Variants in ARHGAP26 observed in about 807,000 individuals in gnomAD.
ARHGAP26 encodes rho GTPase-activating protein 26.
In ARHGAP26, 38 loss-of-function variants were observed where a neutral mutation model predicts 104.8. The ratio of observed to expected loss-of-function variants is 0.36; its 90% CI spans 0.28 to 0.48. ARHGAP26 has a LOEUF of 0.48. Among genes scored for constraint, ARHGAP26 ranks in the 20% least tolerant of loss-of-function variants. ARHGAP26 has a pLI of 0.99. For missense variants in ARHGAP26, 704 were observed against 947.9 expected, an observed-to-expected ratio of 0.74 and a Z score of 3.38; for synonymous variants, 341 against 340.0, an observed-to-expected ratio of 1.00 and a Z score of -0.03.
chr5:143,057,798 TC>T, intron 17 of ARHGAP26, 51 bp downstream of exon 17: 1 of 1,460,824 alleles, frequency 6.8e-7, no homozygotes. Flanking sequence ...AAAGTTCTTA[TC>T]TTAGCAGTGA....
At chr5:142,943,397 T>G (rs780662977) in intron 11 of ARHGAP26, among the ~76,000 whole-genome samples, 10 of 152,202 alleles carry the variant, frequency 6.6e-5, no homozygotes, top group African/African-American at 9.6e-5. Context: ...CCATCAAATT[T>G]GGTGTCTAGT....
intron 1 of ARHGAP26, among the ~76,000 whole-genome samples, chr5:142,872,364 G>A (rs528713920): frequency 6.6e-6 from 1 of 152,254 alleles, no homozygotes; most frequent in South Asian, 2.1e-4. Context: ...TTAAAGCCAG[G>A]CCTTGTTGCT....
intron 1 of ARHGAP26, among the ~76,000 whole-genome samples, chr5:142,800,328 C>T (rs375398540): frequency 1.3e-5 from 2 of 151,874 alleles, no homozygotes; most frequent in Non-Finnish European, 2.9e-5. Flanking sequence ...CTGTCTCTCT[C>T]TCTCAAACTG....
intron 1 of ARHGAP26, among the ~76,000 whole-genome samples, chr5:142,806,578 A>C (rs2151990741): frequency 6.6e-6 from 1 of 152,066 alleles, no homozygotes; most frequent in East Asian, 1.9e-4. Context: ...TTGGGAAGGC[A>C]TTAGTTAACA....
In ARHGAP26 at chr5:143,153,281, G is replaced by A. The variant is rs115090545; in HGVS notation, c.1988+5900G>A. 3.1e-3 allele frequency among the ~76,000 whole-genome samples: 477 copies of A among 152,292 alleles called. 1 individual carries two copies. The highest frequency in any genetic ancestry group is 0.011 in the African/African-American group (450 of 41,556). On this transcript the variant is annotated intron_variant, in intron 20 of 22. Transcript: ENST00000645722. Reference sequence around the variant, plus strand: ...CAGGAAACCCTAGGTTTTAGTTCTGGCATCGACATTGCCTGGCTGATGATA... The same window carrying A: ...CAGGAAACCCTAGGTTTTAGTTCTGACATCGACATTGCCTGGCTGATGATA...
intron 20 of ARHGAP26, among the ~76,000 whole-genome samples, chr5:143,168,224 C>T (rs1438198162): frequency 6.6e-6 from 1 of 152,112 alleles, no homozygotes; most frequent in Non-Finnish European, 1.5e-5. Context: ...TGTAATATTA[C>T]AATTGTTTTG....
rs1438874533 is a variant in ARHGAP26 at position 143,227,547 on chromosome 5, T to C, written c.*5101T>C. 2 of 230,668 alleles carry C rather than the reference T, an allele frequency of 8.7e-6. No homozygotes were observed. The highest frequency in any genetic ancestry group is 1.7e-5 in the Non-Finnish European group (2 of 116,464). The allele number at this position is 230,668 out of a possible 1,614,324, so 14.3% of individuals were successfully genotyped here. On this transcript the variant is annotated 3_prime_UTR_variant, in exon 23 of 23. Coordinates refer to ENST00000645722, the MANE Select transcript of ARHGAP26 (RefSeq NM_001135608.3). ...ATGACAACAGCAGCAGAGCAGCGAA[T>C]CTTGCACAGCCCCACAGCATGCCTG...
intron 17 of ARHGAP26, among the ~76,000 whole-genome samples, chr5:143,119,057 T>C (rs551736124): frequency 6.6e-6 from 1 of 152,232 alleles, no homozygotes; most frequent in African/African-American, 2.4e-5. Context: ...ACATGTGCCA[T>C]GCCATTGTGT....
intron 22 of ARHGAP26, among the ~76,000 whole-genome samples, chr5:143,214,714 C>T (rs1007689712): frequency 3.3e-5 from 5 of 152,174 alleles, no homozygotes; most frequent in Non-Finnish European, 7.3e-5. Context: ...TTCAGCATAG[C>T]AGAGATATCC....
rs560216779 is a variant in ARHGAP26 at position 142,987,891 on chromosome 5, G to A, written c.1108-26189G>A. Among the ~76,000 whole-genome samples, 103 of 152,182 alleles carry A rather than the reference G, an allele frequency of 6.8e-4. 2 individuals are homozygous for A. Among genetic ancestry groups the A allele is most frequent in the African/African-American group, 2.3e-3 (97 of 41,498 alleles). On this transcript the variant is annotated intron_variant, in intron 11 of 22. Coordinates refer to ENST00000645722, the MANE Select transcript of ARHGAP26 (RefSeq NM_001135608.3). ...AGCTTTTTGATGTGCTGCTGGATTCGGTTTGCCAGTATTTTATTGAGGATT... is the reference window on the plus strand; with the variant it reads ...AGCTTTTTGATGTGCTGCTGGATTCAGTTTGCCAGTATTTTATTGAGGATT...
At chr5:143,030,670 G>T (rs890671295) in intron 12 of ARHGAP26, among the ~76,000 whole-genome samples, 1 of 152,256 alleles carries the variant, frequency 6.6e-6, no homozygotes, top group Non-Finnish European at 1.5e-5. Flanking sequence ...GTTTATATCA[G>T]TTGAAATTGA....
At chr5:142,821,684 C>T (rs1170109564) in intron 1 of ARHGAP26, among the ~76,000 whole-genome samples, 1 of 152,188 alleles carries the variant, frequency 6.6e-6, no homozygotes, top group Non-Finnish European at 1.5e-5. Context: ...TTTATCTACA[C>T]ATTAAAATTT....
intron 17 of ARHGAP26, among the ~76,000 whole-genome samples, chr5:143,084,999 C>T (rs189129347): frequency 6.7e-4 from 98 of 147,172 alleles, no homozygotes; most frequent in East Asian, 2.8e-3. Context: ...GAGCCGAGAT[C>T]GCGCCACTGC....
intron 1 of ARHGAP26, among the ~76,000 whole-genome samples, chr5:142,795,403 C>T (rs1369802331): frequency 6.6e-6 from 1 of 152,154 alleles, no homozygotes; most frequent in Admixed American, 6.5e-5. Context: ...CTCTAATGGT[C>T]TTTGTAATCT....
intron 13 of ARHGAP26, among the ~76,000 whole-genome samples, chr5:143,040,420 C>A (rs1783285174): frequency 6.7e-6 from 1 of 149,814 alleles, no homozygotes; most frequent in Non-Finnish European, 1.5e-5. Flanking sequence ...GTTTTGGCCC[C>A]CAAGTATTTT....
chr5:143,220,148 G>T (rs10875602), intron 22 of ARHGAP26, among the ~76,000 whole-genome samples: 54,746 of 152,194 alleles, frequency 0.36, 12,997 homozygotes, highest in African/African-American at 0.68. Context: ...CTTGGAGCTT[G>T]GCTATAAAGC....
At chr5:142,797,038 A>G (rs1406835098) in intron 1 of ARHGAP26, among the ~76,000 whole-genome samples, 3 of 152,374 alleles carry the variant, frequency 2.0e-5, no homozygotes, top group East Asian at 1.9e-4. Context: ...TTGGAATTAG[A>G]TTGCAGAAGG....
At chr5:142,787,110 A>T (rs1404722594) in intron 1 of ARHGAP26, among the ~76,000 whole-genome samples, 1 of 152,090 alleles carries the variant, frequency 6.6e-6, no homozygotes, top group Non-Finnish European at 1.5e-5. Context: ...TCAGAGTGAG[A>T]GGATGTGCTC....
chr5:143,009,720 T>C (rs1401800363), intron 11 of ARHGAP26, among the ~76,000 whole-genome samples: 1 of 152,266 alleles, frequency 6.6e-6, no homozygotes, highest in Admixed American at 6.5e-5. Context: ...CACGGATCTT[T>C]AACAAATCTT....
Sources: allele counts gnomAD v4.1 joint callset (sites outside exome capture counted in the v4.1 genomes callset), GRCh38; gene constraint gnomAD v4.1.1; transcripts MANE v1.5; gene names NCBI Gene and HGNC (gene_info 2026-07-23, HGNC 2026-07-21).